Variants in GPT2 observed in about 807,000 individuals in gnomAD.
GPT2 encodes the protein glutamic--pyruvic transaminase 2, also known as alanine aminotransferase 2.
In GPT2, 30 loss-of-function variants were observed where a neutral mutation model predicts 56.9. That is an observed-to-expected ratio of 0.53 (90% CI 0.39 to 0.72). GPT2 has a LOEUF of 0.72. Ranked by LOEUF, GPT2 falls within the 30% of genes least tolerant of loss-of-function variation. The pLI, the probability that GPT2 is intolerant of heterozygous loss-of-function variation, is 0.00. For synonymous variants in GPT2, 271 were observed against 283.1 expected, an observed-to-expected ratio of 0.96 and a Z score of 0.43; for missense variants, 542 against 703.4, an observed-to-expected ratio of 0.77 and a Z score of 2.60.
At chr16:46,916,601 A>C (rs1444871294) in intron 6 of GPT2, 27 bp from the exon 7 acceptor site, 1 of 1,566,664 alleles carries the variant, frequency 6.4e-7, no homozygotes, top group Non-Finnish European at 8.8e-7. Flanking sequence ...TACAACCGAC[A>C]TTTTGGTTTT....
At chr16:46,924,365 T>C in intron 9 of GPT2, 24 bp from the exon 10 acceptor site, 1 of 1,613,600 alleles carries the variant, frequency 6.2e-7, no homozygotes, top group Non-Finnish European at 8.5e-7. Flanking sequence ...TACTGACTGC[T>C]GTGCTGTTTC....
chr16:46,927,050 C>A lies in GPT2; in HGVS notation c.1481+13C>A. On this transcript the variant is annotated intron_variant, in intron 11 of 11. Transcript: ENST00000340124. ...CTTACCACTTCAGGTATGACTTCCTCTCCGCACTAGGGGCTGGTCCGGGTC... is the reference window on the plus strand; with the variant it reads ...CTTACCACTTCAGGTATGACTTCCTATCCGCACTAGGGGCTGGTCCGGGTC... 2 of 1,521,566 alleles carry A rather than the reference C, an allele frequency of 1.3e-6. No individual in the cohort carries two copies. Among genetic ancestry groups the A allele is most frequent in the South Asian group, 1.2e-5 (1 of 83,064 alleles). The allele number at this position is 1,521,566 out of a possible 1,614,324, so 94.3% of individuals were successfully genotyped here. A position where few individuals can be genotyped will look rare whatever the true frequency, so the allele number is the denominator to read the frequency against.
At chr16:46,892,787 G>T (rs968979096) in intron 2 of GPT2, among the ~76,000 whole-genome samples, 1 of 151,924 alleles carries the variant, frequency 6.6e-6, no homozygotes, top group Admixed American at 6.6e-5. Flanking sequence ...TTCTTGAGTT[G>T]TATGAATTCC....
chr16:46,915,332 A>G (rs948865037), intron 6 of GPT2: 2 of 148,248 alleles, frequency 1.3e-5, no homozygotes, highest in African/African-American at 2.5e-5. Flanking sequence ...ACATACTACA[A>G]ACACTGCACA....
intron 6 of GPT2, among the ~76,000 whole-genome samples, chr16:46,912,208 T>C (rs545307791): frequency 6.6e-6 from 1 of 152,262 alleles, no homozygotes; most frequent in African/African-American, 2.4e-5. Flanking sequence ...GAAACCCAAC[T>C]TGAGACTGAA....
Position 46,924,470 on chromosome 16 carries a change from T to C in GPT2, c.1294T>C (p.Cys432Arg). 6.2e-7 allele frequency: 1 copy of C among 1,614,232 alleles called. No individual in the cohort carries two copies. Among genetic ancestry groups the C allele is most frequent in the Non-Finnish European group, 8.5e-7 (1 of 1,180,024 alleles). The change falls in exon 10 of 12, where the codon TGC becomes CGC. Residue 432 changes from cysteine to arginine, a missense_variant. Cys to Arg is a radical substitution (Grantham distance 180). Coordinates refer to ENST00000340124, the MANE Select transcript of GPT2 (RefSeq NM_133443.4). ...GTTTAACCAAGTCCCAGGAATTCAC[T>C]GCAACCCCTTGCAGGGGGCCATGTA... ...DLFNQVPGIH[C>R]NPLQGAMYAF... is the part of the protein sequence containing the mutation.
chr16:46,915,965 C>G (rs1361771612), intron 6 of GPT2: 1 of 152,284 alleles, frequency 6.6e-6, no homozygotes, highest in Non-Finnish European at 1.5e-5. Flanking sequence ...ACACCACACA[C>G]AGACACATGC....
chr16:46,922,635 G>A (rs1961314935), intron 9 of GPT2, among the ~76,000 whole-genome samples: 1 of 152,212 alleles, frequency 6.6e-6, no homozygotes, highest in Admixed American at 6.5e-5. Flanking sequence ...GTGAGTGTGT[G>A]TGGGCAGGTG....
intron 2 of GPT2, among the ~76,000 whole-genome samples, chr16:46,888,370 T>A (rs1399116851): frequency 1.3e-5 from 2 of 152,242 alleles, no homozygotes; most frequent in Non-Finnish European, 2.9e-5. Context: ...TTATTGAGAC[T>A]GCGTCTAATT....
Position 46,921,424 on chromosome 16 carries a change from C to T in GPT2, c.1038-818C>T, listed in dbSNP as rs990346410. Among the ~76,000 whole-genome samples, 4 of 152,112 alleles carry T rather than the reference C, an allele frequency of 2.6e-5. No individual in the cohort carries two copies. In the East Asian group the frequency reaches 7.7e-4, roughly 29 times the overall value. Reference sequence around the variant, plus strand: ...CTGACCTCAAGTGATCCGTCCACCTCGGCCTCCCAAAGTGCTGTGATTACA... The same window carrying T: ...CTGACCTCAAGTGATCCGTCCACCTTGGCCTCCCAAAGTGCTGTGATTACA... On this transcript the variant is annotated intron_variant, in intron 8 of 11. Transcript: ENST00000340124.
In GPT2 at chr16:46,922,294, A is replaced by G. The variant is rs972346859; in HGVS notation, c.1090A>G (p.Lys364Glu). 1.2e-6 allele frequency: 2 copies of G among 1,614,154 alleles called. No individual in the cohort carries two copies. Among genetic ancestry groups the G allele is most frequent in the Admixed American group, 3.3e-5 (2 of 60,010 alleles). The change falls in exon 9 of 12, where the codon AAG (lysine) becomes GAG (glutamate). Residue 364 changes from lysine (K) to glutamate (E), a missense_variant. Coordinates refer to ENST00000340124, the MANE Select transcript of GPT2 (RefSeq NM_133443.4). ...MEVINLHPEIKGQLVKLLSVR... is the reference protein window; with the variant it reads ...MEVINLHPEIEGQLVKLLSVR... ...GGTGATCAACCTGCACCCTGAGATC[A>G]AGGGCCAGCTGGTGAAGCTGCTGTC...
At chr16:46,914,499 T>C (rs920682448) in intron 6 of GPT2, among the ~76,000 whole-genome samples, 1 of 152,244 alleles carries the variant, frequency 6.6e-6, no homozygotes, top group Admixed American at 6.5e-5. Flanking sequence ...ATTGTGCCAC[T>C]GCACTCCAGC....
intron 2 of GPT2, among the ~76,000 whole-genome samples, chr16:46,894,820 C>A (rs890881070): frequency 6.6e-6 from 1 of 152,222 alleles, no homozygotes; most frequent in African/African-American, 2.4e-5. Context: ...CGCCCGCCCC[C>A]ACGCCTGGCT....
Position 46,899,214 on chromosome 16 carries a change from G to T in GPT2, c.334-1468G>T, listed in dbSNP as rs1373129672. ...CACCCAGCTAATTTTTAAAATTTTT[G>T]GTAGAGACAGGGTCTTGCTGTGTTG... On this transcript the variant is annotated intron_variant, in intron 3 of 11. Coordinates refer to ENST00000340124, the MANE Select transcript of GPT2 (RefSeq NM_133443.4). Among the ~76,000 whole-genome samples the T allele has an allele frequency of 2.0e-5, 3 of 150,942 alleles. No individual in the cohort carries two copies. In the East Asian group the frequency reaches 5.9e-4, roughly 30 times the overall value.
At chr16:46,914,245 C>G (rs932348544) in intron 6 of GPT2, among the ~76,000 whole-genome samples, 4 of 152,180 alleles carry the variant, frequency 2.6e-5, no homozygotes, top group African/African-American at 9.7e-5. Context: ...ACTCATTTCT[C>G]TAAAATGGGG....
intron 11 of GPT2, among the ~76,000 whole-genome samples, chr16:46,927,454 G>A (rs905304287): frequency 4.6e-5 from 7 of 152,316 alleles, no homozygotes; most frequent in Non-Finnish European, 8.8e-5. Flanking sequence ...CACTGCCTGT[G>A]ATCCCAGAGC....
chr16:46,907,146 T>C (rs1008421411), intron 5 of GPT2, among the ~76,000 whole-genome samples, 171 bp downstream of exon 5: 1 of 152,226 alleles, frequency 6.6e-6, no homozygotes, highest in African/African-American at 2.4e-5. Context: ...TTAGTCTTCA[T>C]GAGCCTAGAC....
At chr16:46,919,176 T>C (rs1596631113) in intron 8 of GPT2, among the ~76,000 whole-genome samples, 1 of 152,320 alleles carries the variant, frequency 6.6e-6, no homozygotes, top group East Asian at 1.9e-4. Flanking sequence ...AAGGGTCAGC[T>C]GTAATCCTGT....
intron 2 of GPT2, among the ~76,000 whole-genome samples, chr16:46,892,121 A>G (rs1417278102): frequency 6.6e-6 from 1 of 152,162 alleles, no homozygotes; most frequent in African/African-American, 2.4e-5. Context: ...TGCTTTTATT[A>G]GTTCAACTTT....
Sources: gnomAD v4.1 joint callset for allele counts (sites outside exome capture counted in the v4.1 genomes callset) on GRCh38, gnomAD v4.1.1 for gene constraint, MANE v1.5 for transcripts, NCBI Gene and HGNC (gene_info 2026-07-23, HGNC 2026-07-21) for gene names.